Variants in NT5DC3 observed in about 807,000 individuals in gnomAD.
The protein encoded by NT5DC3 is 5'-nucleotidase domain-containing protein 3.
NT5DC3 carries 42 observed loss-of-function variants against 67.8 expected under a neutral mutation model. That is an observed-to-expected ratio of 0.62 (90% CI 0.48 to 0.80). NT5DC3 has a LOEUF of 0.80. Among genes scored for constraint, NT5DC3 ranks in the 30% least tolerant of loss-of-function variants. The pLI is 0.00. For missense variants in NT5DC3, 570 were observed against 696.4 expected, an observed-to-expected ratio of 0.82 and a Z score of 2.04; for synonymous variants, 237 against 255.6, an observed-to-expected ratio of 0.93 and a Z score of 0.69.
the NT5DC3 span, chr12:103,757,859 T>C: frequency 2.7e-6 from 1 of 372,290 alleles, no homozygotes; most frequent in Non-Finnish European, 5.1e-6. Flanking sequence ...TTCCTCTGAG[T>C]GAAGTGGGGG....
At chr12:103,753,264 T>C in the NT5DC3 span, 1 of 1,614,100 alleles carries the variant, frequency 6.2e-7, no homozygotes, top group Admixed American at 1.7e-5. Context: ...ACTGGGCCAG[T>C]ATAAGCTGAC....
the NT5DC3 span, among the ~76,000 whole-genome samples, chr12:103,756,961 C>T: frequency 7.0e-6 from 1 of 143,840 alleles, no homozygotes; most frequent in South Asian, 2.2e-4. Context: ...AAATTACCTA[C>T]CTTCTCTGGG....
chr12:103,797,123 G>A (rs1026027226), intron 5 of NT5DC3, 92 bp from the exon 6 acceptor site: 25 of 1,327,396 alleles, frequency 1.9e-5, no homozygotes, highest in Admixed American at 5.7e-5. Flanking sequence ...AGCCTTTTCC[G>A]TGACTAAACG....
chr12:103,839,667 C>T (rs1566137107), intron 1 of NT5DC3, among the ~76,000 whole-genome samples: 1 of 152,128 alleles, frequency 6.6e-6, no homozygotes, highest in Non-Finnish European at 1.5e-5. Flanking sequence ...TCTCTTAAGA[C>T]CTGCAAAATT....
intron 1 of NT5DC3, among the ~76,000 whole-genome samples, chr12:103,828,706 T>A (rs1233739471): frequency 2.0e-5 from 3 of 149,922 alleles, no homozygotes; most frequent in Non-Finnish European, 4.5e-5. Context: ...CTTTTTATTT[T>A]TTTTTTTTGG....
intron 11 of NT5DC3, among the ~76,000 whole-genome samples, chr12:103,787,138 T>C (rs1388044718): frequency 6.6e-6 from 1 of 152,116 alleles, no homozygotes. Context: ...AAAAGAACAA[T>C]GGCATTTATT....
the NT5DC3 span, among the ~76,000 whole-genome samples, chr12:103,752,102 C>T: frequency 1.3e-5 from 2 of 152,118 alleles, no homozygotes; most frequent in African/African-American, 4.8e-5. Context: ...TTCCAGGACC[C>T]CATCCTACAG....
intron 6 of NT5DC3, among the ~76,000 whole-genome samples, 154 bp from the exon 7 acceptor site, chr12:103,794,151 C>CTTTTT (rs796470465): frequency 1.4e-5 from 2 of 140,020 alleles, no homozygotes; most frequent in African/African-American, 5.3e-5. Flanking sequence ...TTTTCTTCTT[C>CTTTTT]TTTTTTTTTT....
downstream of NT5DC3, chr12:103,766,305 T>C (rs908748283): frequency 1.9e-5 from 30 of 1,613,948 alleles, no homozygotes; most frequent in Non-Finnish European, 2.5e-5. Context: ...GAACGGCAGC[T>C]TGAGGGCAAT....
intron 2 of NT5DC3, among the ~76,000 whole-genome samples, chr12:103,810,245 C>G (rs1357670193): frequency 6.6e-6 from 1 of 152,156 alleles, no homozygotes; most frequent in Non-Finnish European, 1.5e-5. Context: ...TACTCCTGCC[C>G]CTAAATTGTA....
At chr12:103,762,546 C>G in the NT5DC3 span, 1 of 1,246,350 alleles carries the variant, frequency 8.0e-7, no homozygotes, top group Non-Finnish European at 1.1e-6. Context: ...CCACCCACCC[C>G]ACGCTTACTG....
the NT5DC3 span, among the ~76,000 whole-genome samples, chr12:103,747,516 G>A: frequency 6.6e-6 from 1 of 152,002 alleles, no homozygotes; most frequent in Non-Finnish European, 1.5e-5. Context: ...CAAGATGGAA[G>A]GAGAGGAAGG....
the NT5DC3 span, among the ~76,000 whole-genome samples, chr12:103,754,016 C>G: frequency 1.3e-5 from 2 of 152,288 alleles, no homozygotes; most frequent in East Asian, 3.9e-4. Flanking sequence ...TTTGGAAAAG[C>G]TAGCAGGTTG....
Position 103,775,937 on chromosome 12 carries a change from T to C in NT5DC3, c.*1892A>G, listed in dbSNP as rs745590036. The C allele has an allele frequency of 6.6e-6, 1 of 152,192 alleles. No homozygotes were observed. The highest frequency in any genetic ancestry group is 1.5e-5 in the Non-Finnish European group (1 of 68,044). 9.4% of individuals were successfully genotyped at this position (152,192 alleles called of 1,614,324 possible). On this transcript the variant is annotated 3_prime_UTR_variant, in exon 14 of 14. Transcript: ENST00000392876. ...ACATACATTTATCACAATAAAAATG[T>C]TGAATAAGCAAGCACTCTCCACAAG...
intron 2 of NT5DC3, among the ~76,000 whole-genome samples, chr12:103,810,259 TC>T: frequency 6.6e-6 from 1 of 152,202 alleles, no homozygotes; most frequent in East Asian, 1.9e-4. Context: ...AATTGTAATC[TC>T]CCCATACAAC....
At chr12:103,804,420 G>A (rs1203872798) in intron 4 of NT5DC3, among the ~76,000 whole-genome samples, 2 of 152,180 alleles carry the variant, frequency 1.3e-5, no homozygotes, top group Non-Finnish European at 2.9e-5. Flanking sequence ...GGCTACTGGA[G>A]GATATACTCA....
chr12:103,748,839 A>G, the NT5DC3 span: 1 of 984,688 alleles, frequency 1.0e-6, no homozygotes, highest in Non-Finnish European at 1.5e-6. Context: ...AGAGAGAAGC[A>G]CGAACACGCA....
chr12:103,808,529 G>C (rs982052019), intron 2 of NT5DC3, among the ~76,000 whole-genome samples: 2 of 152,188 alleles, frequency 1.3e-5, no homozygotes, highest in Non-Finnish European at 2.9e-5. Context: ...AGGCTGACCC[G>C]CATGTGGCAA....
chr12:103,790,935 C>T (rs527268296), intron 9 of NT5DC3, among the ~76,000 whole-genome samples: 14 of 147,722 alleles, frequency 9.5e-5, no homozygotes, highest in East Asian at 4.1e-4. Context: ...GTGATCCGCC[C>T]GCCTCAGCCT....
Sources: gnomAD v4.1 joint callset for allele counts (sites outside exome capture counted in the v4.1 genomes callset) on GRCh38, gnomAD v4.1.1 for gene constraint, MANE v1.5 for transcripts, NCBI Gene and HGNC (gene_info 2026-07-23, HGNC 2026-07-21) for gene names.